The following NIM1K variants were observed in gnomAD, a reference collection of about 807,000 sequenced individuals.
The protein encoded by NIM1K is NIM1 serine/threonine protein kinase, also known as serine/threonine-protein kinase NIM1.
Under a neutral mutation model 37.1 loss-of-function variants are expected in NIM1K, and 35 were observed. That is an observed-to-expected ratio of 0.94 (90% confidence interval 0.72 to 1.25). The LOEUF (loss-of-function observed/expected upper bound fraction) is 1.25, where lower values mean the gene tolerates loss of function less well. NIM1K is among the 50% of genes most tolerant of loss of function. NIM1K has a pLI of 0.00. For synonymous variants in NIM1K, 234 were observed against 206.6 expected (o/e 1.13, Z -1.14); for missense variants, 564 against 548.0 (o/e 1.03, Z -0.29).
intron 1 of NIM1K, among the ~76,000 whole-genome samples, chr5:43,195,661 CAAAAAAAA>C (rs10556161): frequency 2.7e-4 from 30 of 112,086 alleles, no homozygotes; most frequent in Admixed American, 1.6e-3. Context: ...ACTCTGAATC[CAAAAAAAA>C]AAAAAAAAAA....
At chr5:43,200,446 GC>G (rs1336495840) in intron 1 of NIM1K, among the ~76,000 whole-genome samples, 2 of 152,210 alleles carry the variant, frequency 1.3e-5, no homozygotes, top group Non-Finnish European at 1.5e-5. Context: ...GACTACAGGT[GC>G]CCGCCTCCAT....
chr5:43,274,821 C>T (rs980388525), intron 2 of NIM1K, among the ~76,000 whole-genome samples: 2 of 152,186 alleles, frequency 1.3e-5, no homozygotes, highest in African/African-American at 4.8e-5. Flanking sequence ...TTTAAACTAG[C>T]TGTATCCATT....
At chr5:43,225,623 G>C (rs1752447159) in intron 1 of NIM1K, 1 of 152,634 alleles carries the variant, frequency 6.6e-6, no homozygotes, top group Non-Finnish European at 1.5e-5. Context: ...AAATTTACTA[G>C]CAATAGGTGA....
chr5:43,218,991 T>A (rs1446952700), intron 1 of NIM1K, among the ~76,000 whole-genome samples: 1 of 152,110 alleles, frequency 6.6e-6, no homozygotes, highest in East Asian at 1.9e-4. Context: ...GGTTTCCCCA[T>A]CGGTTCTTGT....
At chr5:43,277,846 T>C (rs1753372793) in intron 3 of NIM1K, among the ~76,000 whole-genome samples, 1 of 149,954 alleles carries the variant, frequency 6.7e-6, no homozygotes, top group South Asian at 2.1e-4. Context: ...GAGAGAGATG[T>C]TCTTCAATCT....
At chr5:43,193,290 TTCCCTCCTTTTCCCTCTTCTCCC>T (rs1485977961) in intron 1 of NIM1K, 1 of 151,916 alleles carries the variant, frequency 6.6e-6, no homozygotes, top group African/African-American at 2.4e-5. Context: ...CCTTCCCTCC[TTCCCTCCTTTTCCCTCTTCTCCC>T]TCCCTCCTTT....
chr5:43,202,103 C>T (rs969824972), intron 1 of NIM1K, among the ~76,000 whole-genome samples: 10 of 151,832 alleles, frequency 6.6e-5, no homozygotes, highest in Non-Finnish European at 1.3e-4. Flanking sequence ...TCCAAATTTT[C>T]TTTTGAGTTA....
At chr5:43,249,091 A>G (rs950319844) in intron 2 of NIM1K, among the ~76,000 whole-genome samples, 2 of 142,830 alleles carry the variant, frequency 1.4e-5, no homozygotes, top group Non-Finnish European at 1.5e-5. Flanking sequence ...TTTATTTGAG[A>G]CAGAGTCTCG....
intron 2 of NIM1K, among the ~76,000 whole-genome samples, chr5:43,246,610 C>G (rs1752783063): frequency 6.6e-6 from 1 of 152,172 alleles, no homozygotes; most frequent in Non-Finnish European, 1.5e-5. Context: ...CCAGAGGCTG[C>G]GACTTCTGTC....
chr5:43,242,489 C>G (rs181001990), intron 1 of NIM1K, among the ~76,000 whole-genome samples: 14 of 151,950 alleles, frequency 9.2e-5, no homozygotes, highest in Admixed American at 9.2e-4. Context: ...AGTTCTGTCA[C>G]AGTTCTCAGG....
At chr5:43,203,341 G>T (rs372647893) in intron 1 of NIM1K, among the ~76,000 whole-genome samples, 1 of 152,228 alleles carries the variant, frequency 6.6e-6, no homozygotes, top group African/African-American at 2.4e-5. Flanking sequence ...CAACCTAAAT[G>T]CAGTTGTTAA....
chr5:43,233,062 C>T (rs1752565445), intron 1 of NIM1K: 1 of 1,332,830 alleles, frequency 7.5e-7, no homozygotes, highest in African/African-American at 1.4e-5. Flanking sequence ...GGTCTTGTCA[C>T]TTGGCATCTG....
At position 43,278,035 on chromosome 5, in the gene NIM1K, C is replaced by CCTTCCTTT. The variant is rs1277598772; in HGVS notation, c.561+713_561+714insCCTTTCTT. 9.3e-3 allele frequency among the ~76,000 whole-genome samples: 1,338 copies of CCTTCCTTT among 143,410 alleles called. 14 individuals carry two copies. Among genetic ancestry groups the CCTTCCTTT allele is most frequent in the Non-Finnish European group, 0.012 (825 of 66,802 alleles). The allele number at this position is 143,410 out of a possible 152,430, so 94.1% of individuals were successfully genotyped here. ...CTTTCTTTTCCTTCCTTCCTTCCTT[C>CCTTCCTTT]CTTTCTTTCTGTTTCTTTTTTTTTT... On this transcript the variant is annotated intron_variant, in intron 3 of 3. Transcript: ENST00000326035.
intron 2 of NIM1K, among the ~76,000 whole-genome samples, chr5:43,253,207 A>ATGT (rs1752892372): frequency 3.9e-5 from 3 of 77,868 alleles, no homozygotes; most frequent in South Asian, 6.2e-4. Context: ...TATATAATAT[A>ATGT]ATATATGTGT....
chr5:43,253,232 G>A (rs1385266327), intron 2 of NIM1K, among the ~76,000 whole-genome samples: 3 of 146,918 alleles, frequency 2.0e-5, no homozygotes, highest in East Asian at 2.0e-4. Context: ...GTGTGTGTGT[G>A]TGTGTGTGTG....
chr5:43,238,845 G>A (rs1752657184), intron 1 of NIM1K, among the ~76,000 whole-genome samples: 1 of 151,398 alleles, frequency 6.6e-6, no homozygotes, highest in Non-Finnish European at 1.5e-5. Flanking sequence ...AGAAGAGAAT[G>A]AGGGATTCTA....
Position 43,258,145 on chromosome 5 carries a change from A to C in NIM1K, c.292+12078A>C, listed in dbSNP as rs140912804. On this transcript the variant is annotated intron_variant, in intron 2 of 3. Coordinates refer to ENST00000326035, the MANE Select transcript of NIM1K (RefSeq NM_153361.4). ...AAGTGTAACCACTATTCTGACTTCT[A>C]ATACCATAGATTGCTTTTGACTGTT... Among the ~76,000 whole-genome samples, 788 of 152,242 alleles carry C rather than the reference A, an allele frequency of 5.2e-3. 8 individuals carry two copies. The highest frequency in any genetic ancestry group is 0.018 in the African/African-American group (763 of 41,530).
chr5:43,270,729 G>A (rs973995296), intron 2 of NIM1K, among the ~76,000 whole-genome samples: 5 of 152,164 alleles, frequency 3.3e-5, no homozygotes, highest in Non-Finnish European at 7.4e-5. Context: ...GAGAGTAGTG[G>A]GAAGCTGGAT....
At chr5:43,229,647 T>A (rs1359744469) in intron 1 of NIM1K, among the ~76,000 whole-genome samples, 5 of 150,780 alleles carry the variant, frequency 3.3e-5, no homozygotes, top group Admixed American at 1.3e-4. Context: ...AGCCTTTTTT[T>A]TTTTTTTGAG....
Sources: gnomAD v4.1 joint callset for allele counts (sites outside exome capture counted in the v4.1 genomes callset) on GRCh38, gnomAD v4.1.1 for gene constraint, MANE v1.5 for transcripts, NCBI Gene and HGNC (gene_info 2026-07-23, HGNC 2026-07-21) for gene names.